EIF4E3: variants seen among roughly 807,000 people sequenced by gnomAD.
EIF4E3 encodes eukaryotic translation initiation factor 4E type 3.
In EIF4E3, 26 loss-of-function variants were observed where a neutral mutation model predicts 31.7. The ratio of observed to expected loss-of-function variants is 0.82; its 90% CI spans 0.60 to 1.14. The LOEUF (loss-of-function observed/expected upper bound fraction) is 1.14, where lower values mean the gene tolerates loss of function less well. Ranked by LOEUF, EIF4E3 falls within the 50% of genes most tolerant of loss-of-function variation. The pLI, the probability that EIF4E3 is intolerant of heterozygous loss-of-function variation, is 0.00. For missense variants in EIF4E3, 304 were observed against 270.9 expected (o/e 1.12, Z -0.86); for synonymous variants, 128 against 107.7 (o/e 1.19, Z -1.17).
intron 4 of EIF4E3, among the ~76,000 whole-genome samples, chr3:71,694,526 A>T (rs1216787693): frequency 6.6e-6 from 1 of 151,922 alleles, no homozygotes; most frequent in Non-Finnish European, 1.5e-5. Context: ...GATTCAGTGC[A>T]CGCTCCGGTC....
At chr3:71,740,732 C>T (rs1167661319) in intron 1 of EIF4E3, among the ~76,000 whole-genome samples, 4 of 152,052 alleles carry the variant, frequency 2.6e-5, no homozygotes, top group Admixed American at 6.5e-5. Context: ...GACCCTGTCT[C>T]GAAAAACAAC....
At chr3:71,719,955 A>G (rs548726970) in intron 1 of EIF4E3, among the ~76,000 whole-genome samples, 1 of 152,034 alleles carries the variant, frequency 6.6e-6, no homozygotes, top group South Asian at 2.1e-4. Flanking sequence ...TAGAAGCTAT[A>G]ATGAGTCATG....
chr3:71,692,240 C>G (rs1020091896), intron 5 of EIF4E3, among the ~76,000 whole-genome samples: 17 of 152,188 alleles, frequency 1.1e-4, no homozygotes, highest in African/African-American at 4.1e-4. Flanking sequence ...GGAGGAGCCA[C>G]TGCTTAAAGA....
chr3:71,734,285 A>G (rs1415262205), intron 1 of EIF4E3, among the ~76,000 whole-genome samples: 1 of 152,236 alleles, frequency 6.6e-6, no homozygotes, highest in African/African-American at 2.4e-5. Context: ...ATGACTTTAT[A>G]CAAGTATTTG....
At chr3:71,685,061 C>G (rs896010881) in intron 6 of EIF4E3, among the ~76,000 whole-genome samples, 1 of 152,100 alleles carries the variant, frequency 6.6e-6, no homozygotes, top group African/African-American at 2.4e-5. Context: ...AAAATGTGCC[C>G]CACAAAATGC....
chr3:71,662,011 G>C, the EIF4E3 span, among the ~76,000 whole-genome samples: 1 of 152,150 alleles, frequency 6.6e-6, no homozygotes, highest in Non-Finnish European at 1.5e-5. Context: ...TTAAGCAAGC[G>C]AATACATGTA....
chr3:71,718,977 C>A (rs181340700), intron 1 of EIF4E3, among the ~76,000 whole-genome samples: 71 of 152,326 alleles, frequency 4.7e-4, no homozygotes, highest in Non-Finnish European at 1.9e-4. Flanking sequence ...CAGTCTCCTC[C>A]CCAACCTAGT....
chr3:71,673,111 A>T (rs998227712), downstream of EIF4E3, among the ~76,000 whole-genome samples: 1 of 152,204 alleles, frequency 6.6e-6, no homozygotes. Flanking sequence ...GTTGACCTGC[A>T]CTTAGTGGAG....
At chr3:71,665,773 T>G in the EIF4E3 span, among the ~76,000 whole-genome samples, 1 of 152,138 alleles carries the variant, frequency 6.6e-6, no homozygotes, top group Non-Finnish European at 1.5e-5. Context: ...TGCAATCAAA[T>G]TAGATCTCAG....
upstream of EIF4E3, chr3:71,754,513 C>T: frequency 7.7e-7 from 1 of 1,294,180 alleles, no homozygotes; most frequent in Non-Finnish European, 9.8e-7. The surrounding 1 kb of genome is among the most constrained non-coding windows in gnomAD (Gnocchi z 5.8). Context: ...CTGGCCGCGG[C>T]CTTCCCGCCA....
chr3:71,749,099 C>T (rs1328876331), intron 1 of EIF4E3, among the ~76,000 whole-genome samples: 4 of 152,330 alleles, frequency 2.6e-5, no homozygotes, highest in Admixed American at 1.3e-4. Flanking sequence ...TTATTGCACA[C>T]GACTTGTGTG....
chr3:71,736,726 G>T (rs932858017), intron 1 of EIF4E3, among the ~76,000 whole-genome samples: 1 of 152,144 alleles, frequency 6.6e-6, no homozygotes, highest in Admixed American at 6.5e-5. Context: ...CTATAATGGT[G>T]GATACATGTC....
At chr3:71,671,344 C>T (rs2048846165), downstream of EIF4E3, among the ~76,000 whole-genome samples, 1 of 151,976 alleles carries the variant, frequency 6.6e-6, no homozygotes, top group Admixed American at 6.6e-5. Context: ...GCAGAGAGAC[C>T]AGGGGCTTGG....
At chr3:71,707,921 C>A (rs1187390353) in intron 2 of EIF4E3, among the ~76,000 whole-genome samples, 1 of 148,962 alleles carries the variant, frequency 6.7e-6, no homozygotes, top group Non-Finnish European at 1.5e-5. Flanking sequence ...CAGAGTCTCA[C>A]TCTGTCACCC....
At chr3:71,712,124 C>G (rs1578361239) in intron 1 of EIF4E3, among the ~76,000 whole-genome samples, 1 of 152,228 alleles carries the variant, frequency 6.6e-6, no homozygotes, top group South Asian at 2.1e-4. Context: ...CTGTAAAGCA[C>G]TGAATTTACA....
intron 6 of EIF4E3, among the ~76,000 whole-genome samples, chr3:71,686,651 A>G (rs2048996494): frequency 6.6e-6 from 1 of 151,904 alleles, no homozygotes; most frequent in Non-Finnish European, 1.5e-5. Flanking sequence ...AAATTACACT[A>G]TGCTTCAGGG....
chr3:71,746,747 C>G (rs1038876497), intron 1 of EIF4E3, among the ~76,000 whole-genome samples: 1 of 152,152 alleles, frequency 6.6e-6, no homozygotes, highest in Non-Finnish European at 1.5e-5. Flanking sequence ...ACATTTTCAT[C>G]ACCCCCCAAA....
intron 2 of EIF4E3, among the ~76,000 whole-genome samples, chr3:71,707,792 T>C (rs1173978851): frequency 6.6e-6 from 1 of 151,952 alleles, no homozygotes; most frequent in Non-Finnish European, 1.5e-5. Flanking sequence ...CCACTGAGAA[T>C]GTGCAGCCCA....
intron 1 of EIF4E3, among the ~76,000 whole-genome samples, chr3:71,736,977 A>T (rs1444919477): frequency 6.6e-6 from 1 of 152,236 alleles, no homozygotes; most frequent in Admixed American, 6.5e-5. Context: ...CTAAAAAAAG[A>T]AAGTCTATTA....
Sources: gnomAD v4.1 joint callset for allele counts (sites outside exome capture counted in the v4.1 genomes callset) on GRCh38, gnomAD v4.1.1 for gene constraint, Gnocchi (gnomAD v3.1) non-coding constraint, MANE v1.5 for transcripts, NCBI Gene and HGNC (gene_info 2026-07-23, HGNC 2026-07-21) for gene names.